The following C17orf75 variants were observed in gnomAD, a reference collection of about 807,000 sequenced individuals.
C17orf75 encodes chromosome 17 open reading frame 75.
C17orf75 carries 32 observed loss-of-function variants against 49.6 expected under a neutral mutation model. The observed-to-expected ratio is 0.65, with a 90% CI of 0.49 to 0.87. The LOEUF (loss-of-function observed/expected upper bound fraction) is 0.87, where lower values mean the gene tolerates loss of function less well. C17orf75 is among the 40% of genes least tolerant of loss of function. The pLI, the probability that C17orf75 is intolerant of heterozygous loss-of-function variation, is 0.00. For synonymous variants in C17orf75, 158 were observed against 159.5 expected, an observed-to-expected ratio of 0.99 and a Z score of 0.07; for missense variants, 428 against 473.9, an observed-to-expected ratio of 0.90 and a Z score of 0.90.
At chr17:32,341,022 TGCCCCA>T (rs779028661) in intron 2 of C17orf75, 176 bp downstream of exon 2, 669 of 637,992 alleles carry the variant, frequency 1.0e-3, no homozygotes, top group Non-Finnish European at 1.5e-3. Context: ...TGGATTTGTT[TGCCCCA>T]GCCTTGAATG....
At position 32,341,222 on chromosome 17, in the gene C17orf75, G is replaced by A. The variant is rs1294424372; in HGVS notation, c.203C>T (p.Pro68Leu). ...GSPSGTNAET[P>L]SGDDFSLSLA... ...TTTTTACCTGAAATCATCACCAGAG[G>A]GAGTTTCTGCATTTGTGCCACTTGG... Residue 68 changes from proline to leucine, a missense_variant, in exon 2 of 10, where the codon CCC (proline) becomes CTC (leucine). Transcript: ENST00000577809. 2.5e-6 allele frequency: 4 copies of A among 1,613,756 alleles called. No individual in the cohort carries two copies. The highest frequency in any genetic ancestry group is 3.4e-6 in the Non-Finnish European group (4 of 1,179,870).
rs988649545 is a variant in C17orf75 at position 32,329,481 on chromosome 17, T to C, written c.*2282A>G. The C allele has an allele frequency of 1.3e-5, 2 of 150,342 alleles. No homozygotes were observed. The highest frequency in any genetic ancestry group is 3.0e-5 in the Non-Finnish European group (2 of 67,730). 9.3% of individuals were successfully genotyped at this position (150,342 alleles called of 1,614,324 possible). A position where few individuals can be genotyped will look rare whatever the true frequency, so the allele number is the denominator to read the frequency against. ...GAGTTTAAGACCAGTCTGAGCAACA[T>C]AGTGAGACCCCATTTCATTAAAAAA... is the stretch of plus-strand genomic sequence containing the variant. On this transcript the variant is annotated 3_prime_UTR_variant, in exon 10 of 10. Transcript: ENST00000577809.
Position 32,333,422 on chromosome 17 carries a change from G to T in C17orf75, c.970C>A (p.Leu324Ile). Residue 324 changes from leucine (L) to isoleucine (I), a missense_variant, in exon 9 of 10, where the codon CTA (leucine) becomes ATA (isoleucine). Transcript: ENST00000577809. The stretch of plus-strand genomic sequence containing the variant: ...GCACACAGCCAACTAATTACCTTTA[G>T]TTTAAAGTTCTCCAGTACTTGTCGG... ...LFRQVLENFK[L>I]KAIQDTNNLK... The T allele has an allele frequency of 1.9e-6, 3 of 1,604,672 alleles. No homozygotes were observed. The highest frequency in any genetic ancestry group is 2.5e-6 in the Non-Finnish European group (3 of 1,176,738).
chr17:32,330,559 T>TA lies in C17orf75; in HGVS notation c.*1203dup, dbSNP rs774737592. On this transcript the variant is annotated 3_prime_UTR_variant, in exon 10 of 10. Transcript: ENST00000577809. ...GCTACATAGGCTTCCATGGGAATTG[T>TA]AAATGGCTAGCTGAGGGCACTTTCA... 2.0e-5 allele frequency: 3 copies of TA among 152,234 alleles called. No homozygotes were observed. The highest frequency in any genetic ancestry group is 4.4e-5 in the Non-Finnish European group (3 of 68,054). 9.4% of individuals were successfully genotyped at this position (152,234 alleles called of 1,614,324 possible).
Position 32,333,660 on chromosome 17 carries a change from G to A in C17orf75, c.872-140C>T. The A allele has an allele frequency of 4.4e-6, 3 of 688,428 alleles. No homozygotes were observed. The South Asian group carries it at 6.2e-5, about 14-fold the overall frequency. The allele number at this position is 688,428 out of a possible 1,614,324, so 42.6% of individuals were successfully genotyped here. A position where few individuals can be genotyped will look rare whatever the true frequency, so the allele number is the denominator to read the frequency against. ...CTAACTATATCGTTAGTAGAGATGG[G>A]GTTTCACCATATTGGCCAGGCTGGT... On this transcript the variant is annotated intron_variant, in intron 8 of 9. Transcript: ENST00000577809.
chr17:32,348,448 T>A (rs1273448864), intron 1 of C17orf75, among the ~76,000 whole-genome samples: 1 of 152,194 alleles, frequency 6.6e-6, no homozygotes, highest in Non-Finnish European at 1.5e-5. Context: ...CAATAATGGC[T>A]CCTACCCCAG....
At position 32,334,543 on chromosome 17, in the gene C17orf75, A is replaced by G. The variant is rs764395826; in HGVS notation, c.797T>C (p.Met266Thr). The change falls in exon 8 of 10, where the codon ATG becomes ACG. Residue 266 changes from methionine (M) to threonine (T), a missense_variant. Met to Thr is a moderately conservative substitution (Grantham distance 81). Coordinates refer to ENST00000577809, the MANE Select transcript of C17orf75 (RefSeq NM_022344.4). Reference protein sequence around the residue: ...IHEGTMTSLCMAMTEEQHKSV... With the variant: ...IHEGTMTSLCTAMTEEQHKSV... ...CTTATGCTGCTCCTCTGTCATGGCC[A>G]TGCACAAAGAAGTCATGGTGCCTTC... 74 of 1,612,240 alleles carry G rather than the reference A, an allele frequency of 4.6e-5. No homozygotes were observed. Among genetic ancestry groups the G allele is most frequent in the Non-Finnish European group, 6.3e-5 (74 of 1,179,350 alleles).
At chr17:32,341,125 A>C in intron 2 of C17orf75, 79 bp downstream of exon 2, 3 of 1,394,646 alleles carry the variant, frequency 2.2e-6, no homozygotes, top group Non-Finnish European at 2.0e-6. Flanking sequence ...GTGGAAATAG[A>C]GTATCCACTG....
chr17:32,344,088 GAA>G (rs1336908021), upstream of C17orf75: 1 of 565,014 alleles, frequency 1.8e-6, no homozygotes, highest in African/African-American at 1.9e-5. Context: ...AAGGAATTGA[GAA>G]AAAAGAGCCC....
chr17:32,342,044 C>T lies in C17orf75; in HGVS notation c.96G>A (p.Pro32=). ...AAAGACAGTAGTGGCTGCTGGACGG[C>T]GGCTCGAGTCTCCGCTCCTCGGCTG... ...GGSAEERRLE[P]PSSSHYCLYS... The change falls in exon 1 of 10, where the codon CCG becomes CCA. Residue 32 remains proline, a synonymous_variant. Coordinates refer to ENST00000577809, the MANE Select transcript of C17orf75 (RefSeq NM_022344.4). The T allele has an allele frequency of 6.4e-7, 1 of 1,552,180 alleles. No individual in the cohort carries two copies. The highest frequency in any genetic ancestry group is 2.5e-5 in the East Asian group (1 of 40,602).
Position 32,331,937 on chromosome 17 carries a change from C to G in C17orf75, c.1017G>C (p.Gln339His). The change falls in exon 10 of 10, where the codon CAG becomes CAC. Residue 339 changes from glutamine (Q) to histidine (H), a missense_variant. Coordinates refer to ENST00000577809, the MANE Select transcript of C17orf75 (RefSeq NM_022344.4). Reference protein sequence around the residue: ...DTNNLKRFIRQAEMNHYALFK... With the variant: ...DTNNLKRFIRHAEMNHYALFK... Reference sequence around the variant, plus strand: ...ACAAAGCATAATGATTCATTTCTGCCTGTCGGATAAATCTCTTCAAATTGT... The same window carrying G: ...ACAAAGCATAATGATTCATTTCTGCGTGTCGGATAAATCTCTTCAAATTGT... The G allele has an allele frequency of 5.6e-6, 9 of 1,613,288 alleles. No individual in the cohort carries two copies. The highest frequency in any genetic ancestry group is 6.8e-6 in the Non-Finnish European group (8 of 1,179,656).
At chr17:32,346,282 T>C (rs2041424664), upstream of C17orf75, among the ~76,000 whole-genome samples, 1 of 152,084 alleles carries the variant, frequency 6.6e-6, no homozygotes, top group Non-Finnish European at 1.5e-5. Context: ...TAGCAAGGCA[T>C]GGTGGCATGG....
chr17:32,341,235 T>C lies in C17orf75; in HGVS notation c.190A>G (p.Asn64Asp), dbSNP rs1284765607. Residue 64 changes from asparagine (N) to aspartate (D), a missense_variant, in exon 2 of 10, where the codon AAT becomes GAT. Physicochemically the swap from Asn to Asp is conservative, Grantham distance 23. Coordinates refer to ENST00000577809, the MANE Select transcript of C17orf75 (RefSeq NM_022344.4). ...TCATCACCAGAGGGAGTTTCTGCAT[T>C]TGTGCCACTTGGGCTTCCGTCCTCA... is the stretch of plus-strand genomic sequence containing the variant. ...DSEDGSPSGT[N>D]AETPSGDDFS... is the part of the protein sequence containing the mutation. The C allele has an allele frequency of 1.2e-6, 2 of 1,613,946 alleles. No homozygotes were observed. Among genetic ancestry groups the C allele is most frequent in the Non-Finnish European group, 1.7e-6 (2 of 1,179,874 alleles).
chr17:32,341,749 G>A (rs1597738500), intron 1 of C17orf75: 6 of 986,156 alleles, frequency 6.1e-6, no homozygotes, highest in Non-Finnish European at 7.4e-6. Flanking sequence ...GTAAGAGGCT[G>A]GGATGATATA....
At chr17:32,332,352 G>C (rs1470289590) in intron 9 of C17orf75, among the ~76,000 whole-genome samples, 1 of 152,098 alleles carries the variant, frequency 6.6e-6, no homozygotes, top group East Asian at 1.9e-4. Context: ...ATGTTGGTCA[G>C]GCTGGTCTCG....
At chr17:32,346,596 C>T (rs537089030), upstream of C17orf75, among the ~76,000 whole-genome samples, 3 of 151,748 alleles carry the variant, frequency 2.0e-5, no homozygotes, top group African/African-American at 4.8e-5. Context: ...TTTTTTGAGA[C>T]GCAGTCTCGC....
rs1467063039 is a variant in C17orf75, at chr17:32,339,810, T to C, written c.347+3A>G. 3 of 1,613,606 alleles carry C rather than the reference T, an allele frequency of 1.9e-6. No individual in the cohort carries two copies. Among genetic ancestry groups the C allele is most frequent in the Non-Finnish European group, 2.5e-6 (3 of 1,179,800 alleles). On this transcript the variant is annotated splice_donor_region_variant and intron_variant, in intron 3 of 9. Coordinates refer to ENST00000577809, the MANE Select transcript of C17orf75 (RefSeq NM_022344.4). ...CTCAGGACACAGCACATTTTGCACT[T>C]ACTTTAGCTCCACAGATGCAACATT...
chr17:32,333,446 GGAAAA>G lies in C17orf75; in HGVS notation c.941_945del (p.Leu314ProfsTer8), dbSNP rs1402765943. 1 of 1,612,662 alleles carries G rather than the reference GGAAAA, an allele frequency of 6.2e-7. No homozygotes were observed. The highest frequency in any genetic ancestry group is 1.3e-5 in the African/African-American group (1 of 74,814). The stretch of plus-strand genomic sequence containing the variant: ...AGTTTAAAGTTCTCCAGTACTTGTC[GGAAAA>G]GAAAAGGGTTACCTCCTTTGGCACC... On this transcript the variant is annotated frameshift_variant, in exon 9 of 10. Transcript: ENST00000577809. LOFTEE classifies it high-confidence loss of function.
intron 3 of C17orf75, among the ~76,000 whole-genome samples, chr17:32,339,045 C>T (rs902736715): frequency 1.3e-5 from 2 of 151,946 alleles, no homozygotes; most frequent in Non-Finnish European, 2.9e-5. Context: ...AAGCCAAGAT[C>T]ATGCTACTGT....
Sources: gnomAD v4.1 joint callset for allele counts (sites outside exome capture counted in the v4.1 genomes callset) on GRCh38, gnomAD v4.1.1 for gene constraint, MANE v1.5 for transcripts, NCBI Gene and HGNC (gene_info 2026-07-23, HGNC 2026-07-21) for gene names.